Variants in PPIL2 observed in about 807,000 individuals in gnomAD.
PPIL2 encodes peptidylprolyl isomerase like 2, also known as RING-type E3 ubiquitin-protein ligase PPIL2.
Under a neutral mutation model 75.2 loss-of-function variants are expected in PPIL2, and 50 were observed. That is an observed-to-expected ratio of 0.66 (90% CI 0.53 to 0.84). The LOEUF is 0.84. Ranked by LOEUF, PPIL2 falls within the 40% of genes least tolerant of loss-of-function variation. The pLI, the probability that PPIL2 is intolerant of heterozygous loss-of-function variation, is 0.00. For synonymous variants in PPIL2, 245 were observed against 258.8 expected (o/e 0.95, Z 0.51); for missense variants, 590 against 685.0 (o/e 0.86, Z 1.55).
chr22:21,668,174 C>CG (rs1427767287), intron 1 of PPIL2, among the ~76,000 whole-genome samples: 1 of 151,874 alleles, frequency 6.6e-6, no homozygotes, highest in Admixed American at 6.6e-5. Context: ...CTAAGTCCCC[C>CG]CACTGGCTAA....
At chr22:21,693,754 C>G in intron 15 of PPIL2, 62 bp from the exon 16 acceptor site, 1 of 1,489,722 alleles carries the variant, frequency 6.7e-7, no homozygotes, top group Non-Finnish European at 9.4e-7. Flanking sequence ...CTGGTGTGCT[C>G]TTAGGCAGGC....
At chr22:21,685,445 G>T (rs1347301276) in intron 10 of PPIL2, among the ~76,000 whole-genome samples, 3 of 152,166 alleles carry the variant, frequency 2.0e-5, no homozygotes, top group African/African-American at 7.2e-5. Flanking sequence ...CCTCCTGTCA[G>T]GCAGAGCATG....
At position 21,692,301 on chromosome 22, in the gene PPIL2, G is replaced by A. The variant is rs191715472; in HGVS notation, c.1140-1515G>A. On this transcript the variant is annotated intron_variant, in intron 15 of 19. Coordinates refer to ENST00000398831, the MANE Select transcript of PPIL2 (RefSeq NM_014337.4). ...CTCCCTAGTAGCTGGGACTACAGGC[G>A]CCCGCCACACGCCTGGCTAATTTTT... Among the ~76,000 whole-genome samples the A allele has an allele frequency of 1.6e-4, 24 of 151,980 alleles. No homozygotes were observed. In the East Asian group the frequency reaches 2.2e-3, roughly 14 times the overall value.
intron 6 of PPIL2, 55 bp from the exon 7 acceptor site, chr22:21,681,244 G>A: frequency 7.0e-7 from 1 of 1,436,506 alleles, no homozygotes; most frequent in South Asian, 1.1e-5. Flanking sequence ...GTCCTCACTG[G>A]GATGTTCACA....
chr22:21,692,208 T>G (rs974405432), intron 15 of PPIL2, among the ~76,000 whole-genome samples: 3 of 151,096 alleles, frequency 2.0e-5, no homozygotes, highest in East Asian at 2.0e-4. Flanking sequence ...CAGGCTGGAG[T>G]GCAGCGGCGC....
At chr22:21,675,182 T>G in intron 6 of PPIL2, 67 bp downstream of exon 6, 13 of 1,384,900 alleles carry the variant, frequency 9.4e-6, no homozygotes, top group Non-Finnish European at 1.3e-5. Flanking sequence ...CTCTCACCAG[T>G]TTTCATACGG....
Position 21,688,078 on chromosome 22 carries a change from A to G in PPIL2, c.993A>G (p.Gln331=), listed in dbSNP as rs760011924. 1.9e-6 allele frequency: 3 copies of G among 1,614,176 alleles called. No individual in the cohort carries two copies. In the South Asian group the frequency reaches 3.3e-5, roughly 18 times the overall value. ...FHRSIRNFVI[Q]GGDPTGTGTG... is the part of the protein sequence containing the mutation. ...ACTGGCTTTTGTTTTCACAGATCCA[A>G]GGGGGCGACCCCACAGGCACAGGCA... is the stretch of plus-strand genomic sequence containing the variant. Residue 331 remains glutamine (Q), a synonymous_variant, in exon 14 of 20, where the codon CAA becomes CAG. Coordinates refer to ENST00000398831, the MANE Select transcript of PPIL2 (RefSeq NM_014337.4).
intron 15 of PPIL2, among the ~76,000 whole-genome samples, chr22:21,692,336 A>T (rs539914321): frequency 7.3e-4 from 110 of 151,514 alleles, no homozygotes; most frequent in Admixed American, 3.0e-3. Context: ...TTGTATTTTT[A>T]GTAGAGATGG....
chr22:21,697,488 G>A lies in PPIL2; in HGVS notation c.*1998G>A, dbSNP rs1457965920. On this transcript the variant is annotated 3_prime_UTR_variant, in exon 20 of 20. Coordinates refer to ENST00000398831, the MANE Select transcript of PPIL2 (RefSeq NM_014337.4). ...TCTCAGCGGCGCCACAGAGAGCCTG[G>A]GCTCAGCCTTCTGCATCAGGACATG... 1 of 161,216 alleles carries A rather than the reference G, an allele frequency of 6.2e-6. No homozygotes were observed. Among genetic ancestry groups the A allele is most frequent in the African/African-American group, 2.4e-5 (1 of 41,552 alleles). The allele number at this position is 161,216 out of a possible 1,614,324, so 10.0% of individuals were successfully genotyped here.
chr22:21,674,532 C>T (rs1015429900), intron 5 of PPIL2, among the ~76,000 whole-genome samples: 4 of 152,060 alleles, frequency 2.6e-5, no homozygotes, highest in African/African-American at 7.2e-5. Context: ...CTCAGGTGGG[C>T]AGATCATGAG....
intron 1 of PPIL2, among the ~76,000 whole-genome samples, chr22:21,669,068 C>G (rs1377433572): frequency 3.3e-5 from 5 of 149,810 alleles, no homozygotes; most frequent in African/African-American, 1.2e-4. Context: ...CCAGAATGGT[C>G]TCCATCTCCT....
At chr22:21,680,100 AAAAAAG>A (rs1369687653) in intron 6 of PPIL2, among the ~76,000 whole-genome samples, 1 of 151,730 alleles carries the variant, frequency 6.6e-6, no homozygotes, top group African/African-American at 2.4e-5. Flanking sequence ...CAAAAAAAAA[AAAAAAG>A]AAAAAGTCCC....
At chr22:21,678,025 G>A (rs1008341307) in intron 6 of PPIL2, among the ~76,000 whole-genome samples, 3 of 152,162 alleles carry the variant, frequency 2.0e-5, no homozygotes, top group Non-Finnish European at 4.4e-5. Context: ...GGAGTCCAAT[G>A]TGGCTGGAAC....
chr22:21,667,571 G>A (rs367640169), intron 1 of PPIL2, among the ~76,000 whole-genome samples: 1 of 151,860 alleles, frequency 6.6e-6, no homozygotes, highest in Non-Finnish European at 1.5e-5. Context: ...GTTTTCCATC[G>A]ACTTCAGCGG....
rs1188101632 is a variant in PPIL2, at chr22:21,684,747, T to G, written c.554-6T>G. 1 of 1,613,440 alleles carries G rather than the reference T, an allele frequency of 6.2e-7. No individual in the cohort carries two copies. The highest frequency in any genetic ancestry group is 1.3e-5 in the African/African-American group (1 of 74,804). The stretch of plus-strand genomic sequence containing the variant: ...GGCGGCTCAGGGCCATGCTACTGTT[T>G]TGTAGATGAAGAGAAGGCCAAACAG... On this transcript the variant is annotated splice_polypyrimidine_tract_variant and splice_region_variant and intron_variant, in intron 9 of 19. Coordinates refer to ENST00000398831, the MANE Select transcript of PPIL2 (RefSeq NM_014337.4).
Position 21,688,975 on chromosome 22 carries a change from C to T in PPIL2, c.1139+126C>T. ...CATACCCAGACGGTGTACGGCACAC[C>T]TAGGCCAAGCATGTGCACCTGCGTT... On this transcript the variant is annotated intron_variant, in intron 15 of 19. Coordinates refer to ENST00000398831, the MANE Select transcript of PPIL2 (RefSeq NM_014337.4). 3.3e-6 allele frequency: 3 copies of T among 907,230 alleles called. No individual in the cohort carries two copies. The South Asian group carries it at 4.7e-5, about 14-fold the overall frequency. The allele number at this position is 907,230 out of a possible 1,614,324, so 56.2% of individuals were successfully genotyped here. A position where few individuals can be genotyped will look rare whatever the true frequency, so the allele number is the denominator to read the frequency against.
At chr22:21,685,024 A>C in intron 10 of PPIL2, 111 bp downstream of exon 10, 2 of 1,411,196 alleles carry the variant, frequency 1.4e-6, no homozygotes, top group Non-Finnish European at 1.9e-6. Context: ...GATACACGGC[A>C]GGGAGGCAGC....
At chr22:21,693,716 AG>A in intron 15 of PPIL2, 99 bp from the exon 16 acceptor site, 1 of 1,218,376 alleles carries the variant, frequency 8.2e-7, no homozygotes. Context: ...GCAGGTTCCC[AG>A]AGCTGGCTGT....
chr22:21,669,510 TG>T (rs770939847), intron 1 of PPIL2: 20 of 354,720 alleles, frequency 5.6e-5, no homozygotes, highest in African/African-American at 3.2e-4. Context: ...TTTGTTTGTT[TG>T]TTTTTTTGAG....
Sources: gnomAD v4.1 joint callset for allele counts (sites outside exome capture counted in the v4.1 genomes callset) on GRCh38, gnomAD v4.1.1 for gene constraint, MANE v1.5 for transcripts, NCBI Gene and HGNC (gene_info 2026-07-23, HGNC 2026-07-21) for gene names.